The following SMAD6 variants were observed in gnomAD, a reference collection of about 807,000 sequenced individuals.
SMAD6 encodes SMAD family member 6.
In SMAD6, 103 loss-of-function variants were observed where a neutral mutation model predicts 39.4. The ratio of observed to expected loss-of-function variants is 2.62; its 90% CI spans 2.23 to 3.08. The LOEUF (loss-of-function observed/expected upper bound fraction) is 3.08, where lower values mean the gene tolerates loss of function less well. Among genes scored for constraint, SMAD6 ranks in the 30% most tolerant of loss-of-function variants. The pLI, the probability that SMAD6 is intolerant of heterozygous loss-of-function variation, is 0.00. For synonymous variants in SMAD6, 445 were observed against 353.3 expected (o/e 1.26, Z -2.91); for missense variants, 1,104 against 742.9 (o/e 1.49, Z -5.65).
chr15:66,735,862 C>G (rs1215269733), intron 3 of SMAD6, among the ~76,000 whole-genome samples: 2 of 152,196 alleles, frequency 1.3e-5, no homozygotes, highest in Non-Finnish European at 2.9e-5. Context: ...GACAATTCTC[C>G]CGATAAAGGG....
intron 3 of SMAD6, among the ~76,000 whole-genome samples, chr15:66,750,520 C>G (rs1159544574): frequency 1.3e-5 from 2 of 152,196 alleles, no homozygotes; most frequent in Non-Finnish European, 2.9e-5. Flanking sequence ...TGCTTCCCAT[C>G]TTTTGAGGGA....
chr15:66,733,116 T>C (rs1324650180), intron 3 of SMAD6, among the ~76,000 whole-genome samples: 1 of 152,226 alleles, frequency 6.6e-6, no homozygotes, highest in Non-Finnish European at 1.5e-5. Flanking sequence ...TTGATATATA[T>C]GTGTGGTTCT....
chr15:66,703,200 A>C lies in SMAD6; in HGVS notation c.-59A>C. 6 of 1,243,156 alleles carry C rather than the reference A, an allele frequency of 4.8e-6. No homozygotes were observed. The highest frequency in any genetic ancestry group is 2.2e-5 in the South Asian group (1 of 46,290). The allele number at this position is 1,243,156 out of a possible 1,614,324, so 77.0% of individuals were successfully genotyped here. ...GCGCAGCCGGCGCCTCGCTGAGGGA[A>C]CGGACCCCCGGTAACCGGAGACCGC... On this transcript the variant is annotated 5_prime_UTR_variant, in exon 1 of 4. Transcript: ENST00000288840.
rs1893041246 is a variant in SMAD6, at chr15:66,703,848, C to G, written c.590C>G (p.Ser197Cys). The change falls in exon 1 of 4, where the codon TCC (serine) becomes TGC (cysteine). Residue 197 changes from serine (S) to cysteine (C), a missense_variant. Transcript: ENST00000288840. Reference sequence around the variant, plus strand: ...GACACGCTGCTGGAGGCGGTGGAGTCCCGCGGCGGCGTGCCGGGCGGCTGC... The same window carrying G: ...GACACGCTGCTGGAGGCGGTGGAGTGCCGCGGCGGCGTGCCGGGCGGCTGC... ...SLDTLLEAVESRGGVPGGCVL... is the reference protein window; with the variant it reads ...SLDTLLEAVECRGGVPGGCVL... The G allele has an allele frequency of 2.2e-6, 3 of 1,357,766 alleles. No individual in the cohort carries two copies. The highest frequency in any genetic ancestry group is 2.9e-6 in the Non-Finnish European group (3 of 1,043,712). The allele number at this position is 1,357,766 out of a possible 1,614,324, so 84.1% of individuals were successfully genotyped here.
rs374679620 is a variant in SMAD6, at chr15:66,731,310, C to T, written c.952+14812C>T. On this transcript the variant is annotated intron_variant, in intron 3 of 3. Transcript: ENST00000288840. ...AAAATTAGCCGGGCGTAGTGGCGGGCGCCTGTAGTCCCAGCTACTTGGGAG... is the reference window on the plus strand; with the variant it reads ...AAAATTAGCCGGGCGTAGTGGCGGGTGCCTGTAGTCCCAGCTACTTGGGAG... 1.8e-3 allele frequency among the ~76,000 whole-genome samples: 264 copies of T among 150,562 alleles called. 2 individuals carry two copies. The East Asian group carries it at 0.021, about 12-fold the overall frequency.
At chr15:66,720,751 G>A (rs975788022) in intron 3 of SMAD6, among the ~76,000 whole-genome samples, 1 of 152,180 alleles carries the variant, frequency 6.6e-6, no homozygotes, top group Non-Finnish European at 1.5e-5. Context: ...GGATGGGGAC[G>A]CTTGTTATGG....
At chr15:66,752,549 G>A (rs955650088) in intron 3 of SMAD6, among the ~76,000 whole-genome samples, 1 of 152,140 alleles carries the variant, frequency 6.6e-6, no homozygotes, top group African/African-American at 2.4e-5. Context: ...ACTTTGGGAG[G>A]CTGAGGCAGG....
chr15:66,724,759 G>T (rs1039465465), intron 3 of SMAD6, among the ~76,000 whole-genome samples: 1 of 152,024 alleles, frequency 6.6e-6, no homozygotes, highest in African/African-American at 2.4e-5. Flanking sequence ...TCTGCTCATT[G>T]GGTGGTTGCT....
intron 3 of SMAD6, among the ~76,000 whole-genome samples, chr15:66,764,447 A>G (rs1361913874): frequency 1.3e-5 from 2 of 152,182 alleles, no homozygotes; most frequent in African/African-American, 2.4e-5. Context: ...TTTAGGGAAG[A>G]GAAGCCAAGA....
At chr15:66,743,576 C>CTT (rs5813402) in intron 3 of SMAD6, among the ~76,000 whole-genome samples, 58 of 149,688 alleles carry the variant, frequency 3.9e-4, no homozygotes, top group South Asian at 4.2e-4. Context: ...TTCCTCTTTC[C>CTT]TTTTTTTTTT....
intron 3 of SMAD6, among the ~76,000 whole-genome samples, chr15:66,725,885 C>T (rs2140618425): frequency 6.6e-6 from 1 of 152,304 alleles, no homozygotes; most frequent in East Asian, 1.9e-4. Flanking sequence ...CCATGCTAGC[C>T]CCTCAGGGCC....
At chr15:66,772,014 T>TG (rs1001992456) in intron 3 of SMAD6, among the ~76,000 whole-genome samples, 1 of 152,166 alleles carries the variant, frequency 6.6e-6, no homozygotes, top group African/African-American at 2.4e-5. Flanking sequence ...CAGCATGTCG[T>TG]GGGGCAGTGT....
At chr15:66,716,368 A>AAG in intron 2 of SMAD6, 53 bp from the exon 3 acceptor site, 1 of 1,309,154 alleles carries the variant, frequency 7.6e-7, no homozygotes, top group South Asian at 1.2e-5. Flanking sequence ...AAGAAGAAAA[A>AAG]AGAGAGCGCT....
intron 2 of SMAD6, among the ~76,000 whole-genome samples, chr15:66,711,948 G>A (rs986887325): frequency 3.3e-5 from 5 of 152,270 alleles, no homozygotes; most frequent in South Asian, 2.1e-4. Context: ...TCGAAATTCC[G>A]CGGCTCATCA....
intron 2 of SMAD6, 38 bp from the exon 3 acceptor site, chr15:66,716,383 C>T: frequency 6.9e-7 from 1 of 1,456,752 alleles, no homozygotes; most frequent in South Asian, 1.1e-5. Context: ...AGCGCTGCCC[C>T]ACGGCCAACT....
chr15:66,774,833 A>ATTTATTTTATTTTATTTTAT lies in SMAD6; in HGVS notation c.953-6140_953-6121dup, dbSNP rs61441715. Among the ~76,000 whole-genome samples the ATTTATTTTATTTTATTTTAT allele has an allele frequency of 6.9e-3, 1,002 of 146,176 alleles. 7 individuals are homozygous for ATTTATTTTATTTTATTTTAT. The highest frequency in any genetic ancestry group is 0.024 in the African/African-American group (952 of 39,622). On this transcript the variant is annotated intron_variant, in intron 3 of 3. Coordinates refer to ENST00000288840, the MANE Select transcript of SMAD6 (RefSeq NM_005585.5). ...CTCCCCAGGGGTAACCACTATTCTG[A>ATTTATTTTATTTTATTTTAT]TTTATTTTATTTTATTTTATTTTAT...
At chr15:66,752,377 T>TG (rs1322787148) in intron 3 of SMAD6, among the ~76,000 whole-genome samples, 1 of 152,196 alleles carries the variant, frequency 6.6e-6, no homozygotes, top group African/African-American at 2.4e-5. Context: ...TGTGTAACTT[T>TG]GGGGGGTGTT....
intron 3 of SMAD6, among the ~76,000 whole-genome samples, chr15:66,767,959 CTTTTTTTTTTTTTTTT>C (rs71142337): frequency 1.7e-5 from 1 of 60,252 alleles, no homozygotes; most frequent in Non-Finnish European, 2.9e-5. Flanking sequence ...CAAGCTGCAT[CTTTTTTTTTTTTTTTT>C]TTTTTTTTTT....
At chr15:66,760,522 C>G (rs1271330103) in intron 3 of SMAD6, among the ~76,000 whole-genome samples, 1 of 152,224 alleles carries the variant, frequency 6.6e-6, no homozygotes, top group Non-Finnish European at 1.5e-5. Flanking sequence ...GTACTTTAGT[C>G]CCTTTCCAGT....
Sources: allele counts gnomAD v4.1 joint callset (sites outside exome capture counted in the v4.1 genomes callset), GRCh38; gene constraint gnomAD v4.1.1; transcripts MANE v1.5; gene names NCBI Gene and HGNC (gene_info 2026-07-23, HGNC 2026-07-21).